FAM20A: variants seen among roughly 807,000 people sequenced by gnomAD.
The protein encoded by FAM20A is FAM20A golgi associated secretory pathway pseudokinase.
A neutral mutation model predicts 52.0 loss-of-function variants in FAM20A; 42 were observed. The observed-to-expected ratio is 0.81, with a 90% CI of 0.63 to 1.04. The LOEUF (loss-of-function observed/expected upper bound fraction) is 1.04, where lower values mean the gene tolerates loss of function less well. Among genes scored for constraint, FAM20A ranks in the 50% least tolerant of loss-of-function variants. The pLI is 0.00. For missense variants in FAM20A, 742 were observed against 712.7 expected (o/e 1.04, Z -0.47); for synonymous variants, 304 against 298.9 (o/e 1.02, Z -0.18).
chr17:68,585,872 A>G (rs539420621), intron 1 of FAM20A, among the ~76,000 whole-genome samples: 13 of 152,344 alleles, frequency 8.5e-5, no homozygotes. Context: ...GATGTGATGG[A>G]AAATGCTAGT....
chr17:68,570,309 A>G (rs568180914), intron 1 of FAM20A, among the ~76,000 whole-genome samples: 15 of 152,136 alleles, frequency 9.9e-5, no homozygotes, highest in Non-Finnish European at 1.2e-4. Context: ...CCTGACCTCA[A>G]GAGACCTGCC....
chr17:68,575,791 T>TACACACACAC (rs761949775), intron 1 of FAM20A, among the ~76,000 whole-genome samples: 7,147 of 104,058 alleles, frequency 0.069, 317 homozygotes, highest in East Asian at 0.11. Context: ...TTTTATATTA[T>TACACACACAC]ACACACACAC....
rs897602539 is a variant in FAM20A at position 68,536,701 on chromosome 17, G to A, written c.*776C>T. On this transcript the variant is annotated 3_prime_UTR_variant, in exon 11 of 11. Transcript: ENST00000592554. ...CCAGGCTTGTGTCCCTGCTAGGCCT[G>A]TTCCCATGCCATCCTGACCTTGGAG... is the stretch of plus-strand genomic sequence containing the variant. 1.1e-5 allele frequency: 5 copies of A among 453,860 alleles called. No homozygotes were observed. The highest frequency in any genetic ancestry group is 2.2e-5 in the Non-Finnish European group (5 of 226,796). 28.1% of individuals were successfully genotyped at this position (453,860 alleles called of 1,614,324 possible).
rs774852696 is a variant in FAM20A at position 68,537,765 on chromosome 17, C to A, written c.1362-24G>T. On this transcript the variant is annotated intron_variant, in intron 10 of 10. Transcript: ENST00000592554. This position sits in a 1 kb window ranked among gnomAD's most constrained non-coding sequence, Gnocchi z 4.2. ...TCCTGAAAAGACAAAGTTACAGGAA[C>A]CAAATAAGCAAATGTAAAGAAAATA... 14 of 1,599,528 alleles carry A rather than the reference C, an allele frequency of 8.8e-6. No individual in the cohort carries two copies. The highest frequency in any genetic ancestry group is 1.1e-5 in the Non-Finnish European group (13 of 1,172,330).
At chr17:68,580,300 T>C (rs915176914) in intron 1 of FAM20A, among the ~76,000 whole-genome samples, 2 of 152,256 alleles carry the variant, frequency 1.3e-5, no homozygotes, top group African/African-American at 4.8e-5. Context: ...GATTAACTGT[T>C]TGCTGTTGAG....
chr17:68,556,755 G>C (rs1244648678), intron 1 of FAM20A, among the ~76,000 whole-genome samples: 3 of 152,124 alleles, frequency 2.0e-5, no homozygotes, highest in Non-Finnish European at 4.4e-5. Context: ...AGGCAAATTA[G>C]TATGATGTCA....
intron 4 of FAM20A, among the ~76,000 whole-genome samples, chr17:68,546,168 CAAAAAAAAAAAAAAAA>C (rs750780505): frequency 2.0e-5 from 2 of 98,920 alleles, no homozygotes; most frequent in African/African-American, 8.8e-5. Context: ...GACTCCATCT[CAAAAAAAAAAAAAAAA>C]AAAAAAAAAA....
At chr17:68,595,268 G>A (rs894931902) in intron 1 of FAM20A, among the ~76,000 whole-genome samples, 1 of 152,242 alleles carries the variant, frequency 6.6e-6, no homozygotes, top group African/African-American at 2.4e-5. Flanking sequence ...TTTGGAAGCA[G>A]GAAGTGCCTG....
intron 1 of FAM20A, among the ~76,000 whole-genome samples, chr17:68,579,580 A>G (rs76236120): frequency 0.024 from 3,609 of 152,268 alleles, 129 homozygotes; most frequent in African/African-American, 0.081. Context: ...GAGTGAGAGT[A>G]GGGTAGGTTC....
rs1303002146 is a variant in FAM20A at position 68,600,610 on chromosome 17, G to A, written c.57C>T (p.Leu19=). The A allele has an allele frequency of 1.9e-6, 3 of 1,563,354 alleles. No individual in the cohort carries two copies. Among genetic ancestry groups the A allele is most frequent in the African/African-American group, 2.7e-5 (2 of 74,130 alleles). ...AGAGGTGGAAGTAGAGGTCGGCGGA[G>A]AGCAGCGCGCCCAGCAGCAGCAGAG... ...LLTLLLLGAL[L]SADLYFHLWP... is the part of the protein sequence containing the mutation. The change falls in exon 1 of 11, where the codon CTC becomes CTT. Residue 19 remains leucine (L), a synonymous_variant. Transcript: ENST00000592554. The surrounding 1 kb of genome is among the most constrained non-coding windows in gnomAD (Gnocchi z 6.2).
At chr17:68,559,730 C>A (rs1598033627) in intron 1 of FAM20A, among the ~76,000 whole-genome samples, 1 of 152,230 alleles carries the variant, frequency 6.6e-6, no homozygotes, top group Non-Finnish European at 1.5e-5. Flanking sequence ...ACCCGCTTCC[C>A]ATCTCCAGAG....
chr17:68,565,047 A>T (rs1199289993), intron 1 of FAM20A, among the ~76,000 whole-genome samples: 2 of 152,178 alleles, frequency 1.3e-5, no homozygotes, highest in Non-Finnish European at 2.9e-5. Context: ...AGGAAATAGA[A>T]GGAATAGGTT....
At chr17:68,565,793 A>G (rs2087361815) in intron 1 of FAM20A, among the ~76,000 whole-genome samples, 2 of 151,966 alleles carry the variant, frequency 1.3e-5, no homozygotes. Flanking sequence ...TCACGACCTC[A>G]GTCTTCTTCC....
chr17:68,568,851 A>C (rs905854826), intron 1 of FAM20A, among the ~76,000 whole-genome samples: 1 of 151,544 alleles, frequency 6.6e-6, no homozygotes. Flanking sequence ...CCCTTTTTCC[A>C]TATAAGGTAA....
intron 1 of FAM20A, among the ~76,000 whole-genome samples, chr17:68,572,404 T>G (rs969668823): frequency 6.6e-6 from 1 of 152,174 alleles, no homozygotes; most frequent in African/African-American, 2.4e-5. Context: ...TCAGAGACAT[T>G]AAGTCTGGGT....
intron 4 of FAM20A, among the ~76,000 whole-genome samples, chr17:68,548,292 G>C (rs2086660611): frequency 6.6e-6 from 1 of 152,004 alleles, no homozygotes; most frequent in Non-Finnish European, 1.5e-5. Flanking sequence ...CACTTTGGGA[G>C]GCTGAGGTGG....
At chr17:68,562,713 C>T (rs2087251192) in intron 1 of FAM20A, among the ~76,000 whole-genome samples, 1 of 151,690 alleles carries the variant, frequency 6.6e-6, no homozygotes, top group South Asian at 2.1e-4. Flanking sequence ...TGATCTGTGA[C>T]CCACAATTTC....
rs1179282170 is a variant in FAM20A at position 68,568,954 on chromosome 17, A to T, written c.405-13211T>A. Among the ~76,000 whole-genome samples, 3 of 151,858 alleles carry T rather than the reference A, an allele frequency of 2.0e-5. 1 individual carries two copies. The highest frequency in any genetic ancestry group is 7.3e-5 in the African/African-American group (3 of 41,136). Reference sequence around the variant, plus strand: ...TTCTAACAGAATAAAATTCCTAGGCACTGCCCGATCTTTCTAAGGGTGAGG... The same window carrying T: ...TTCTAACAGAATAAAATTCCTAGGCTCTGCCCGATCTTTCTAAGGGTGAGG... On this transcript the variant is annotated intron_variant, in intron 1 of 10. Transcript: ENST00000592554.
chr17:68,581,416 T>TTCTTTC (rs1303963270), intron 1 of FAM20A, among the ~76,000 whole-genome samples: 11 of 120,254 alleles, frequency 9.1e-5, no homozygotes, highest in African/African-American at 2.4e-4. Context: ...CTTTCTTTCT[T>TTCTTTC]TTTCTCTTTT....
Sources: allele counts gnomAD v4.1 joint callset (sites outside exome capture counted in the v4.1 genomes callset), GRCh38; gene constraint gnomAD v4.1.1; non-coding constraint Gnocchi (gnomAD v3.1); transcripts MANE v1.5; gene names NCBI Gene and HGNC (gene_info 2026-07-23, HGNC 2026-07-21).